The following RUBCN variants were observed in gnomAD, a reference collection of about 807,000 sequenced individuals.
RUBCN encodes run domain Beclin-1-interacting and cysteine-rich domain-containing protein.
In RUBCN, 74 loss-of-function variants were observed where a neutral mutation model predicts 113.2. That is an observed-to-expected ratio of 0.65 (90% CI 0.54 to 0.79). The LOEUF is 0.79. RUBCN is among the 30% of genes least tolerant of loss of function. The pLI is 0.00. For synonymous variants in RUBCN, 480 were observed against 490.0 expected (o/e 0.98, Z 0.27); for missense variants, 1,109 against 1,251.7 (o/e 0.89, Z 1.72).
In RUBCN at chr3:197,682,533, C is replaced by T. The variant is rs1394989628; in HGVS notation, c.2063G>A (p.Arg688His). ...GGGCGGGGCCCACTCCAAGTTGCCACGAACACGAATCCGCAGCTTGTAGAT... is the reference window on the plus strand; with the variant it reads ...GGGCGGGGCCCACTCCAAGTTGCCATGAACACGAATCCGCAGCTTGTAGAT... Reference protein sequence around the residue: ...ADIYKLRIRVRGNLEWAPPRP... With the variant: ...ADIYKLRIRVHGNLEWAPPRP... Residue 688 changes from arginine to histidine, a missense_variant, in exon 14 of 20, where the codon CGT (arginine) becomes CAT (histidine). Physicochemically the swap from Arg to His is conservative, Grantham distance 29 (BLOSUM62 0). This residue lies in a region of RUBCN where 67 missense variants were observed against 123.2 expected (regional missense o/e 0.54). Coordinates refer to ENST00000296343, the MANE Select transcript of RUBCN (RefSeq NM_014687.4). The T allele has an allele frequency of 1.9e-6, 3 of 1,614,018 alleles. No homozygotes were observed. The highest frequency in any genetic ancestry group is 1.3e-5 in the African/African-American group (1 of 74,906).
chr3:197,744,162 A>G (rs559940078), intron 1 of RUBCN, among the ~76,000 whole-genome samples: 1 of 152,088 alleles, frequency 6.6e-6, no homozygotes, highest in Non-Finnish European at 1.5e-5. Context: ...AAGAGTTAAC[A>G]TAAGAAACAG....
intron 1 of RUBCN, among the ~76,000 whole-genome samples, chr3:197,729,908 A>C (rs1298701986): frequency 6.6e-6 from 1 of 151,976 alleles, no homozygotes; most frequent in Non-Finnish European, 1.5e-5. Context: ...TGTTTCTGAA[A>C]AATTAAACTA....
intron 1 of RUBCN, among the ~76,000 whole-genome samples, chr3:197,722,666 C>T (rs967485940): frequency 2.0e-5 from 3 of 151,592 alleles, no homozygotes; most frequent in African/African-American, 7.3e-5. Flanking sequence ...CACACACACA[C>T]ACAACTGTTA....
At chr3:197,697,282 C>G (rs138294151) in intron 7 of RUBCN, among the ~76,000 whole-genome samples, 100 of 152,254 alleles carry the variant, frequency 6.6e-4, no homozygotes, top group African/African-American at 2.4e-3. Flanking sequence ...AATGGGGCAA[C>G]ATAAAGGAAA....
At chr3:197,716,848 C>T (rs191477081) in intron 2 of RUBCN, among the ~76,000 whole-genome samples, 15 of 152,106 alleles carry the variant, frequency 9.9e-5, no homozygotes, top group Admixed American at 1.3e-4. Flanking sequence ...GGGCTGGGCA[C>T]GGTGGCTCAT....
At chr3:197,735,969 G>A (rs549959486) in intron 1 of RUBCN, among the ~76,000 whole-genome samples, 3 of 152,294 alleles carry the variant, frequency 2.0e-5, no homozygotes, top group South Asian at 4.1e-4. Context: ...AAATAAATGT[G>A]AACTTGCTTA....
At chr3:197,708,160 G>A (rs1032865833) in intron 2 of RUBCN, among the ~76,000 whole-genome samples, 1 of 151,432 alleles carries the variant, frequency 6.6e-6, no homozygotes, top group Non-Finnish European at 1.5e-5. Flanking sequence ...TTCCAAGACG[G>A]AGTCTTGCTC....
intron 1 of RUBCN, among the ~76,000 whole-genome samples, chr3:197,725,683 A>G (rs1283211934): frequency 1.3e-5 from 2 of 152,048 alleles, no homozygotes; most frequent in African/African-American, 2.4e-5. Flanking sequence ...CTTAATGTAC[A>G]GGAGGGAATA....
rs200008321 is a variant in RUBCN, at chr3:197,679,091, TCTAA to T, written c.2431-1554_2431-1551del. On this transcript the variant is annotated intron_variant, in intron 16 of 19. Transcript: ENST00000296343. ...CAACTGGCTTCAGACTGTCCTGTGC[TCTAA>T]CTGACAACTGGCTTCAGACTGTCCT... is the stretch of plus-strand genomic sequence containing the variant. 5.0e-3 allele frequency among the ~76,000 whole-genome samples: 750 copies of T among 150,404 alleles called. 7 individuals are homozygous for T. The highest frequency in any genetic ancestry group is 0.018 in the Middle Eastern group (5 of 276).
At position 197,672,241 on chromosome 3, in the gene RUBCN, AC is replaced by A. The variant is rs1329545163; in HGVS notation, c.*2776del. On this transcript the variant is annotated 3_prime_UTR_variant, in exon 20 of 20. Coordinates refer to ENST00000296343, the MANE Select transcript of RUBCN (RefSeq NM_014687.4). The stretch of plus-strand genomic sequence containing the variant: ...CTGCTATGTCTTGAATCTTGTCTCC[AC>A]CTGGTAAGCAAACTATGTTTTTTTT... 1 of 152,178 alleles carries A rather than the reference AC, an allele frequency of 6.6e-6. No homozygotes were observed. Among genetic ancestry groups the A allele is most frequent in the African/African-American group, 2.4e-5 (1 of 41,436 alleles). 9.4% of individuals were successfully genotyped at this position (152,178 alleles called of 1,614,324 possible).
chr3:197,747,375 A>C (rs933550155), intron 1 of RUBCN, among the ~76,000 whole-genome samples: 3 of 151,428 alleles, frequency 2.0e-5, no homozygotes, highest in African/African-American at 7.3e-5. Context: ...GGAGAAGATC[A>C]GGATAAAAGA....
intron 11 of RUBCN, among the ~76,000 whole-genome samples, chr3:197,689,373 G>T (rs1290532315): frequency 1.3e-5 from 2 of 152,150 alleles, no homozygotes; most frequent in Non-Finnish European, 2.9e-5. Context: ...CACATTCTTA[G>T]TGTAAAACCT....
chr3:197,736,161 T>G (rs966414655), intron 1 of RUBCN, among the ~76,000 whole-genome samples: 8 of 152,034 alleles, frequency 5.3e-5, no homozygotes, highest in African/African-American at 1.9e-4. Flanking sequence ...TCTCCTCGCC[T>G]TCATCCCCAT....
intron 11 of RUBCN, among the ~76,000 whole-genome samples, chr3:197,689,858 T>C (rs1280119955): frequency 6.6e-6 from 1 of 152,178 alleles, no homozygotes; most frequent in Non-Finnish European, 1.5e-5. Flanking sequence ...AAATACAGAA[T>C]ATGTCAACTA....
At chr3:197,694,223 A>G in intron 10 of RUBCN, 152 bp downstream of exon 10, 2 of 797,324 alleles carry the variant, frequency 2.5e-6, no homozygotes, top group Non-Finnish European at 4.4e-6. Context: ...CAGGAAACGG[A>G]GCGACTCTAG....
chr3:197,676,923 G>A lies in RUBCN; in HGVS notation c.2608C>T (p.Leu870Phe), dbSNP rs1217545505. ...ACATGGGTAGCCCCTGCCCTGGTGA[G>A]CTCAGCAAGCCGGGGCCCCAGCTCC... ...KGELGPRLAE[L>F]TRAGATHVER... Residue 870 changes from leucine (L) to phenylalanine (F), a missense_variant, in exon 18 of 20, where the codon CTC becomes TTC. By Grantham distance (22) the Leu-to-Phe change is conservative. Transcript: ENST00000296343. 1.2e-6 allele frequency: 2 copies of A among 1,614,206 alleles called. No individual in the cohort carries two copies. The highest frequency in any genetic ancestry group is 1.3e-5 in the African/African-American group (1 of 75,044).
At chr3:197,703,721 G>T in intron 4 of RUBCN, 67 bp from the exon 5 acceptor site, 2 of 959,628 alleles carry the variant, frequency 2.1e-6, no homozygotes, top group Non-Finnish European at 3.3e-6. Flanking sequence ...GCTTGAGGAA[G>T]CAGAAAGGGA....
At chr3:197,678,514 A>G (rs1398917233) in intron 16 of RUBCN, among the ~76,000 whole-genome samples, 1 of 146,078 alleles carries the variant, frequency 6.8e-6, no homozygotes, top group Non-Finnish European at 1.5e-5. Flanking sequence ...AGACTGTCCT[A>G]CGCTCTAACA....
At chr3:197,699,945 G>A (rs960486728) in intron 7 of RUBCN, among the ~76,000 whole-genome samples, 1 of 152,068 alleles carries the variant, frequency 6.6e-6, no homozygotes, top group Admixed American at 6.6e-5. Flanking sequence ...CCCAACCAAA[G>A]CCTGCCGGAT....
Sources: allele counts gnomAD v4.1 joint callset (sites outside exome capture counted in the v4.1 genomes callset), GRCh38; gene constraint gnomAD v4.1.1; regional missense constraint gnomAD v4.1.1; transcripts MANE v1.5; gene names NCBI Gene and HGNC (gene_info 2026-07-23, HGNC 2026-07-21).